Variants in GADL1 observed in about 807,000 individuals in gnomAD.
GADL1 encodes the protein acidic amino acid decarboxylase GADL1.
Under a neutral mutation model 69.5 loss-of-function variants are expected in GADL1, and 71 were observed. The observed-to-expected ratio is 1.02, with a 90% confidence interval of 0.84 to 1.25. The LOEUF (loss-of-function observed/expected upper bound fraction) is 1.25, where lower values mean the gene tolerates loss of function less well. Ranked by LOEUF, GADL1 falls within the 50% of genes most tolerant of loss-of-function variation. GADL1 has a pLI of 0.00. For synonymous variants in GADL1, 254 were observed against 214.4 expected, an observed-to-expected ratio of 1.18 and a Z score of -1.62; for missense variants, 737 against 631.8, an observed-to-expected ratio of 1.17 and a Z score of -1.79.
intron 14 of GADL1, among the ~76,000 whole-genome samples, chr3:30,756,734 C>G (rs573992210): frequency 2.6e-5 from 4 of 152,294 alleles, no homozygotes; most frequent in African/African-American, 9.6e-5. Context: ...ATGAGGCCAT[C>G]CTTGTCCACC....
intron 11 of GADL1, among the ~76,000 whole-genome samples, chr3:30,805,534 T>C (rs761980947): frequency 6.6e-6 from 1 of 152,144 alleles, no homozygotes; most frequent in Non-Finnish European, 1.5e-5. Context: ...TCTTTATGAA[T>C]ACTTGTGAAT....
intron 1 of GADL1, among the ~76,000 whole-genome samples, chr3:30,864,330 T>C (rs566246035): frequency 3.9e-5 from 6 of 151,902 alleles, no homozygotes; most frequent in Non-Finnish European, 7.4e-5. Flanking sequence ...AGCCTGCTCA[T>C]TATGTTTCTC....
At chr3:30,770,733 T>A (rs1575196398) in intron 14 of GADL1, among the ~76,000 whole-genome samples, 1 of 152,140 alleles carries the variant, frequency 6.6e-6, no homozygotes, top group Non-Finnish European at 1.5e-5. Context: ...AAATGCCAGC[T>A]TCATTCTTTA....
At chr3:30,880,568 C>T (rs1468284047) in intron 1 of GADL1, among the ~76,000 whole-genome samples, 3 of 151,928 alleles carry the variant, frequency 2.0e-5, no homozygotes, top group South Asian at 4.1e-4. Flanking sequence ...GCCTCCCCAG[C>T]CATGTGGAAT....
In GADL1 at chr3:30,726,530, T is replaced by C. The variant is rs1695369076; in HGVS notation, c.*1712A>G. 1 of 151,704 alleles carries C rather than the reference T, an allele frequency of 6.6e-6. No homozygotes were observed. Among genetic ancestry groups the C allele is most frequent in the African/African-American group, 2.4e-5 (1 of 41,260 alleles). 9.4% of individuals were successfully genotyped at this position (151,704 alleles called of 1,614,324 possible). A position where few individuals can be genotyped will look rare whatever the true frequency, so the allele number is the denominator to read the frequency against. ...ACACCAATAGGTTTCACCTGAGAAT[T>C]TGAAGTAATTCAGAGACAGATTTAA... On this transcript the variant is annotated 3_prime_UTR_variant, in exon 15 of 15. Transcript: ENST00000282538.
chr3:30,760,047 GCTT>G (rs1409488933), intron 14 of GADL1, among the ~76,000 whole-genome samples: 1 of 152,150 alleles, frequency 6.6e-6, no homozygotes, highest in Non-Finnish European at 1.5e-5. Context: ...AGTGATAAAT[GCTT>G]ATTGTCTCAT....
In GADL1 at chr3:30,820,667, AAAC is replaced by A. The variant is rs199973023; in HGVS notation, c.1050+13183_1050+13185del. Among the ~76,000 whole-genome samples, 1,107 of 152,220 alleles carry A rather than the reference AAAC, an allele frequency of 7.3e-3. 11 individuals carry two copies. Among genetic ancestry groups the A allele is most frequent in the African/African-American group, 0.025 (1,058 of 41,536 alleles). ...GGGTTGTTTTTTTCTTGTAAATTGG[AAAC>A]AACAGGTGCTAGAGAGGATGTGAAG... On this transcript the variant is annotated intron_variant, in intron 11 of 14. Coordinates refer to ENST00000282538, the MANE Select transcript of GADL1 (RefSeq NM_207359.3).
intron 13 of GADL1, among the ~76,000 whole-genome samples, chr3:30,785,543 G>A (rs1482656012): frequency 4.6e-5 from 7 of 151,994 alleles, no homozygotes; most frequent in Admixed American, 1.3e-4. Context: ...CACCACGCTC[G>A]ACTAATTTTT....
At chr3:30,846,816 T>C (rs1046397638) in intron 6 of GADL1, among the ~76,000 whole-genome samples, 4 of 151,984 alleles carry the variant, frequency 2.6e-5, no homozygotes, top group Non-Finnish European at 5.9e-5. Flanking sequence ...TCACATCCCA[T>C]CGCAACTCAA....
chr3:30,753,452 GA>G (rs1208890160), intron 14 of GADL1, among the ~76,000 whole-genome samples: 1 of 151,760 alleles, frequency 6.6e-6, no homozygotes, highest in Non-Finnish European at 1.5e-5. Flanking sequence ...TAATTTTTAG[GA>G]AAAAATTCTC....
chr3:30,747,609 T>G (rs1004031661), intron 14 of GADL1, among the ~76,000 whole-genome samples: 6 of 150,976 alleles, frequency 4.0e-5, no homozygotes, highest in Non-Finnish European at 7.4e-5. Flanking sequence ...GGATTTTTAG[T>G]TTGTTTGTTT....
intron 12 of GADL1, chr3:30,799,865 G>C (rs1319204090): frequency 6.6e-6 from 1 of 152,236 alleles, no homozygotes; most frequent in Non-Finnish European, 1.5e-5. Context: ...CAGTCTGTTT[G>C]CTAAAACGTA....
Position 30,780,339 on chromosome 3 carries a change from ACT to A in GADL1, c.1303-2073_1303-2072del, listed in dbSNP as rs538945702. Among the ~76,000 whole-genome samples, 305 of 152,088 alleles carry A rather than the reference ACT, an allele frequency of 2.0e-3. 1 individual carries two copies. Among genetic ancestry groups the A allele is most frequent in the African/African-American group, 6.4e-3 (267 of 41,478 alleles). On this transcript the variant is annotated intron_variant, in intron 13 of 14. Coordinates refer to ENST00000282538, the MANE Select transcript of GADL1 (RefSeq NM_207359.3). ...CTGCTATCCCATGAGCCAAGGTCAT[ACT>A]CTCTCTGAAGAGGTCTAGACCTCAG...
At chr3:30,831,205 A>G (rs1697786114) in intron 11 of GADL1, among the ~76,000 whole-genome samples, 1 of 151,708 alleles carries the variant, frequency 6.6e-6, no homozygotes, top group African/African-American at 2.4e-5. Flanking sequence ...GGTCTCTAAG[A>G]CCCTTCATGA....
At chr3:30,891,097 T>C (rs11713775) in intron 1 of GADL1, among the ~76,000 whole-genome samples, 31,698 of 151,832 alleles carry the variant, frequency 0.21, 4,012 homozygotes, top group East Asian at 0.5. Flanking sequence ...GTGGTGAGTC[T>C]GCCTGCTCCC....
At chr3:30,826,971 C>T (rs150255810) in intron 11 of GADL1, among the ~76,000 whole-genome samples, 306 of 151,818 alleles carry the variant, frequency 2.0e-3, no homozygotes, top group African/African-American at 7.0e-3. Flanking sequence ...CTACATCAAG[C>T]CATATGGATA....
Position 30,728,212 on chromosome 3 carries a change from A to G in GADL1, c.*30T>C, listed in dbSNP as rs1304133468. 6.3e-7 allele frequency: 1 copy of G among 1,594,154 alleles called. No homozygotes were observed. Among genetic ancestry groups the G allele is most frequent in the Non-Finnish European group, 8.6e-7 (1 of 1,162,482 alleles). On this transcript the variant is annotated 3_prime_UTR_variant, in exon 15 of 15. Coordinates refer to ENST00000282538, the MANE Select transcript of GADL1 (RefSeq NM_207359.3). Reference sequence around the variant, plus strand: ...TGGATCTAAACTCTCCCAGGATAGGATCTATGCCTCTGGGGGACCAAAGCC... The same window carrying G: ...TGGATCTAAACTCTCCCAGGATAGGGTCTATGCCTCTGGGGGACCAAAGCC...
At chr3:30,828,144 A>G (rs2125520915) in intron 11 of GADL1, among the ~76,000 whole-genome samples, 1 of 152,036 alleles carries the variant, frequency 6.6e-6, no homozygotes, top group Non-Finnish European at 1.5e-5. Context: ...CCACAAAAGC[A>G]GATTCAGTTT....
intron 1 of GADL1, among the ~76,000 whole-genome samples, chr3:30,889,067 G>A (rs9817413): frequency 2.7e-5 from 3 of 111,946 alleles, no homozygotes; most frequent in African/African-American, 6.4e-5. Flanking sequence ...AAGAAATACC[G>A]AAGACTCGGT....
Sources: gnomAD v4.1 joint callset for allele counts (sites outside exome capture counted in the v4.1 genomes callset) on GRCh38, gnomAD v4.1.1 for gene constraint, MANE v1.5 for transcripts, NCBI Gene and HGNC (gene_info 2026-07-23, HGNC 2026-07-21) for gene names.